MPP7: variants seen among roughly 807,000 people sequenced by gnomAD.
MPP7 encodes the protein MAGUK p55 scaffold protein 7, also known as MAGUK p55 subfamily member 7.
MPP7 carries 60 observed loss-of-function variants against 76.5 expected under a neutral mutation model. The observed-to-expected ratio is 0.78, with a 90% confidence interval of 0.64 to 0.97. MPP7 has a LOEUF of 0.97. Among genes scored for constraint, MPP7 ranks in the 50% least tolerant of loss-of-function variants. MPP7 has a pLI of 0.00. For missense variants in MPP7, 641 were observed against 694.0 expected (o/e 0.92, Z 0.86); for synonymous variants, 237 against 244.5 (o/e 0.97, Z 0.29).
exon 2 of MPP7, chr10:28,329,988 C>A (rs974813539): frequency 6.6e-6 from 1 of 152,192 alleles, no homozygotes; most frequent in African/African-American, 2.4e-5. Context: ...AGTGATACTT[C>A]TCCTTTTCTT....
At chr10:28,159,181 T>A (rs780942093) in intron 3 of MPP7, among the ~76,000 whole-genome samples, 8 of 152,350 alleles carry the variant, frequency 5.3e-5, no homozygotes, top group Non-Finnish European at 1.2e-4. Context: ...CATATTTTGA[T>A]GCAGTGATTG....
chr10:28,058,734 C>T, intron 14 of MPP7, 131 bp from the exon 15 acceptor site: 2 of 450,914 alleles, frequency 4.4e-6, no homozygotes, highest in Non-Finnish European at 7.9e-6. Flanking sequence ...ATAATATAAA[C>T]AGAGCCAAGT....
At chr10:28,221,315 CA>C (rs780372767) in intron 2 of MPP7, among the ~76,000 whole-genome samples, 11 of 152,296 alleles carry the variant, frequency 7.2e-5, no homozygotes, top group South Asian at 4.1e-4. Flanking sequence ...AAACAGGTGA[CA>C]TTTTTTTTAG....
intron 12 of MPP7, among the ~76,000 whole-genome samples, chr10:28,077,082 CA>C (rs10577715): frequency 0.034 from 3,610 of 107,048 alleles, 114 homozygotes; most frequent in African/African-American, 0.075. Context: ...TCTCTAACTA[CA>C]AAAAAAAAAA....
At chr10:28,057,393 AAT>A (rs1220702352) in intron 15 of MPP7, among the ~76,000 whole-genome samples, 3 of 152,034 alleles carry the variant, frequency 2.0e-5, no homozygotes, top group African/African-American at 7.3e-5. Context: ...CTGTCATCAC[AAT>A]AGTCAGTTCT....
intron 3 of MPP7, among the ~76,000 whole-genome samples, chr10:28,177,880 C>G (rs1289889164): frequency 6.6e-6 from 1 of 152,274 alleles, no homozygotes; most frequent in African/African-American, 2.4e-5. Context: ...ACCCTAAATA[C>G]TGTGAGGGGC....
At chr10:28,145,509 G>C (rs1008406135) in intron 5 of MPP7, among the ~76,000 whole-genome samples, 3 of 152,252 alleles carry the variant, frequency 2.0e-5, no homozygotes, top group African/African-American at 7.2e-5. Context: ...TCCTGAAATA[G>C]TCTAAAATTT....
rs376059181 is a variant in MPP7, at chr10:28,162,712, G to A, written c.157-12653C>T. Among the ~76,000 whole-genome samples the A allele has an allele frequency of 2.6e-5, 4 of 152,230 alleles. No individual in the cohort carries two copies. In the East Asian group the frequency reaches 7.7e-4, roughly 29 times the overall value. The stretch of plus-strand genomic sequence containing the variant: ...CCTGGTGTCATCTTTTCTCCTTGTT[G>A]GGGGGTTGAACCTACTGACTTGATT... On this transcript the variant is annotated intron_variant, in intron 3 of 16. Transcript: ENST00000683449.
chr10:28,064,313 C>T (rs1411446285), intron 13 of MPP7, among the ~76,000 whole-genome samples: 4 of 152,146 alleles, frequency 2.6e-5, no homozygotes, highest in Non-Finnish European at 4.4e-5. Flanking sequence ...GTGAATCTTA[C>T]ATTCATTATG....
chr10:28,092,999 T>A (rs1217867603), intron 11 of MPP7, among the ~76,000 whole-genome samples: 1 of 152,080 alleles, frequency 6.6e-6, no homozygotes, highest in Non-Finnish European at 1.5e-5. Context: ...CAGAATTTAG[T>A]TATCCCAAAC....
intron 11 of MPP7, among the ~76,000 whole-genome samples, chr10:28,110,676 C>T (rs1296167320): frequency 6.6e-6 from 1 of 152,098 alleles, no homozygotes; most frequent in Non-Finnish European, 1.5e-5. Context: ...CTAGGCTATA[C>T]ATATCTTAAA....
At chr10:28,086,429 C>T (rs1853013080) in intron 12 of MPP7, among the ~76,000 whole-genome samples, 1 of 152,186 alleles carries the variant, frequency 6.6e-6, no homozygotes, top group South Asian at 2.1e-4. Context: ...AACAGGGCAA[C>T]TGAAGTGCAT....
In MPP7 at chr10:28,237,729, G is replaced by T. The variant is rs531856166; in HGVS notation, c.37+839C>A. On this transcript the variant is annotated intron_variant, in intron 2 of 16. Transcript: ENST00000683449. ...AATTCAGGATGGCCCATATAAAACA[G>T]AGAACATTCCTTTTCGTCACACTAT... 7.2e-5 allele frequency among the ~76,000 whole-genome samples: 11 copies of T among 152,266 alleles called. No individual in the cohort carries two copies. In the East Asian group the frequency reaches 1.9e-3, roughly 27 times the overall value.
At chr10:28,273,865 C>T (rs1439219395) in intron 1 of MPP7, among the ~76,000 whole-genome samples, 3 of 152,110 alleles carry the variant, frequency 2.0e-5, no homozygotes, top group Non-Finnish European at 2.9e-5. Flanking sequence ...CATGGTGGTG[C>T]ACACTTGTAG....
At chr10:28,303,749 C>A (rs1841220709), upstream of MPP7, among the ~76,000 whole-genome samples, 1 of 152,066 alleles carries the variant, frequency 6.6e-6, no homozygotes, top group Non-Finnish European at 1.5e-5. Flanking sequence ...GATTCTTTCA[C>A]AATAGAAGAA....
intron 16 of MPP7, among the ~76,000 whole-genome samples, chr10:28,054,802 G>A (rs1046271301): frequency 1.1e-4 from 16 of 151,976 alleles, no homozygotes; most frequent in South Asian, 4.1e-4. Flanking sequence ...TCAGCCTCCC[G>A]AGTAGCTGGA....
rs1851390361 is a variant in MPP7, at chr10:28,052,332, T to G, written c.*1733A>C. ...TGGCAACCCTCCCTCTTTCATTTTT[T>G]AAAAACAAAATTTTTTGCTATTTAA... On this transcript the variant is annotated 3_prime_UTR_variant, in exon 17 of 17. Transcript: ENST00000683449. The G allele has an allele frequency of 6.6e-6, 1 of 152,226 alleles. No individual in the cohort carries two copies. The highest frequency in any genetic ancestry group is 1.5e-5 in the Non-Finnish European group (1 of 68,036). 9.4% of individuals were successfully genotyped at this position (152,226 alleles called of 1,614,324 possible).
chr10:28,272,577 G>C (rs1184560198), intron 1 of MPP7, among the ~76,000 whole-genome samples: 1 of 152,070 alleles, frequency 6.6e-6, no homozygotes, highest in African/African-American at 2.4e-5. Context: ...TTTCATTCCA[G>C]TAGCAATTGC....
rs1211601897 is a variant in MPP7 at position 28,163,786 on chromosome 10, A to G, written c.157-13727T>C. Among the ~76,000 whole-genome samples the G allele has an allele frequency of 3.3e-5, 5 of 152,002 alleles. No homozygotes were observed. The East Asian group carries it at 9.7e-4, about 30-fold the overall frequency. On this transcript the variant is annotated intron_variant, in intron 3 of 16. Transcript: ENST00000683449. ...AACATGGTGAAACCCCGTCTCTACT[A>G]AAAATACAAAAATTAGCCGGGCGTG...
Sources: gnomAD v4.1 joint callset for allele counts (sites outside exome capture counted in the v4.1 genomes callset) on GRCh38, gnomAD v4.1.1 for gene constraint, MANE v1.5 for transcripts, NCBI Gene and HGNC (gene_info 2026-07-23, HGNC 2026-07-21) for gene names.